The following HFM1 variants were observed in gnomAD, a reference collection of about 807,000 sequenced individuals.
HFM1 encodes the protein helicase for meiosis 1, also known as probable ATP-dependent DNA helicase HFM1.
HFM1 carries 169 observed loss-of-function variants against 192.1 expected under a neutral mutation model. That is an observed-to-expected ratio of 0.88 (90% CI 0.78 to 1.00). HFM1 has a LOEUF of 1.00. Ranked by LOEUF, HFM1 falls within the 50% of genes least tolerant of loss-of-function variation. The probability of loss-of-function intolerance (pLI) is 0.00; values close to 1 mark genes in which losing one functional copy is unlikely to be tolerated. For synonymous variants in HFM1, 525 were observed against 537.8 expected (o/e 0.98, Z 0.33); for missense variants, 1,661 against 1,668.0 (o/e 1.00, Z 0.07).
At position 91,313,956 on chromosome 1, in the gene HFM1, C is replaced by G. The variant is rs775670967; in HGVS notation, c.3244+1G>C. The G allele has an allele frequency of 6.6e-7, 1 of 1,520,680 alleles. No individual in the cohort carries two copies. Among genetic ancestry groups the G allele is most frequent in the African/African-American group, 1.4e-5 (1 of 72,524 alleles). 94.2% of individuals were successfully genotyped at this position (1,520,680 alleles called of 1,614,324 possible). A position where few individuals can be genotyped will look rare whatever the true frequency, so the allele number is the denominator to read the frequency against. ...TGTCTTCATTACTTCAATTAACTTA[C>G]CAAATTCAGAACTTATTAGATTTAT... On this transcript the variant is annotated splice_donor_variant, in intron 29 of 38. Transcript: ENST00000370425. LOFTEE classifies it high-confidence loss of function.
chr1:91,283,518 G>A (rs1183527700), intron 30 of HFM1, among the ~76,000 whole-genome samples: 1 of 152,154 alleles, frequency 6.6e-6, no homozygotes, highest in East Asian at 1.9e-4. Flanking sequence ...CTCCCAAAGT[G>A]CTGAGACTAC....
intron 25 of HFM1, among the ~76,000 whole-genome samples, chr1:91,318,734 G>T (rs1478759131): frequency 1.3e-5 from 2 of 152,084 alleles, no homozygotes; most frequent in East Asian, 1.9e-4. Flanking sequence ...TTGTAATTGA[G>T]ATCAAAACAA....
chr1:91,364,348 C>A (rs993144552), intron 13 of HFM1, among the ~76,000 whole-genome samples: 2 of 151,670 alleles, frequency 1.3e-5, no homozygotes, highest in African/African-American at 4.8e-5. Flanking sequence ...GGTGGGAATG[C>A]AGATTGGTAC....
At position 91,374,230 on chromosome 1, in the gene HFM1, GAA is replaced by G. The variant is rs1345393352; in HGVS notation, c.1685+1126_1685+1127del. The stretch of plus-strand genomic sequence containing the variant: ...ATGATTAAAGGGGGAGAATGGTCAT[GAA>G]AAGTCTGGAGAATTGGCTAGGCATC... On this transcript the variant is annotated intron_variant, in intron 13 of 38. Transcript: ENST00000370425. 4.6e-5 allele frequency among the ~76,000 whole-genome samples: 7 copies of G among 151,978 alleles called. No individual in the cohort carries two copies. The East Asian group carries it at 1.4e-3, about 29-fold the overall frequency.
rs373714322 is a variant in HFM1 at position 91,262,255 on chromosome 1, C to T, written c.4224G>A (p.Lys1408=). Residue 1408 remains lysine, a synonymous_variant, in exon 38 of 39, where the codon AAG becomes AAA. Coordinates refer to ENST00000370425, the MANE Select transcript of HFM1 (RefSeq NM_001017975.6). ...AGAGTTCTTACCTGAAATCAACTTC[C>T]TTTTTACATTCACTGTTTCTAATAA... ...DFFIRNSECK[K]EVDFSMYHPD... The T allele has an allele frequency of 5.1e-6, 7 of 1,383,038 alleles. No individual in the cohort carries two copies. The highest frequency in any genetic ancestry group is 1.5e-5 in the African/African-American group (1 of 68,696). 85.7% of individuals were successfully genotyped at this position (1,383,038 alleles called of 1,614,324 possible).
At chr1:91,263,368 A>G (rs568568875) in intron 36 of HFM1, among the ~76,000 whole-genome samples, 29 of 152,280 alleles carry the variant, frequency 1.9e-4, no homozygotes, top group African/African-American at 6.7e-4. Context: ...AATCACATAT[A>G]CTGATAGAAT....
chr1:91,404,184 C>A (rs1016200003), intron 1 of HFM1, among the ~76,000 whole-genome samples: 1 of 152,226 alleles, frequency 6.6e-6, no homozygotes, highest in Admixed American at 6.5e-5. Context: ...CCAGATCTCA[C>A]CCCCTCTCCC....
chr1:91,268,577 A>G (rs1408467524), intron 34 of HFM1, among the ~76,000 whole-genome samples: 1 of 152,046 alleles, frequency 6.6e-6, no homozygotes, highest in Non-Finnish European at 1.5e-5. Context: ...AGTTTTACAC[A>G]GTATTGTGCT....
intron 1 of HFM1, among the ~76,000 whole-genome samples, chr1:91,404,019 A>G (rs969661671): frequency 3.2e-4 from 49 of 152,332 alleles, no homozygotes; most frequent in African/African-American, 1.2e-3. Context: ...TTTGCTAGAA[A>G]TTTTTGTGAG....
At chr1:91,272,849 G>A (rs529421371) in intron 34 of HFM1, among the ~76,000 whole-genome samples, 29 of 151,714 alleles carry the variant, frequency 1.9e-4, no homozygotes, top group Non-Finnish European at 3.1e-4. Flanking sequence ...GGAAAAAAAA[G>A]TTACAACATG....
At chr1:91,270,087 C>T (rs1243044700) in intron 34 of HFM1, among the ~76,000 whole-genome samples, 4 of 152,028 alleles carry the variant, frequency 2.6e-5, no homozygotes, top group Non-Finnish European at 5.9e-5. Context: ...TGTCAGATCA[C>T]TTTGAATATT....
At chr1:91,309,296 A>T (rs986354576) in intron 30 of HFM1, among the ~76,000 whole-genome samples, 17 of 152,230 alleles carry the variant, frequency 1.1e-4, no homozygotes, top group African/African-American at 4.1e-4. Flanking sequence ...GCTGTAAGGT[A>T]GACTGCCTAT....
At chr1:91,297,950 T>C (rs1647944227) in intron 30 of HFM1, among the ~76,000 whole-genome samples, 1 of 152,120 alleles carries the variant, frequency 6.6e-6, no homozygotes, top group Admixed American at 6.5e-5. Flanking sequence ...AGAATGACTT[T>C]GATGAGTTGA....
chr1:91,375,588 G>T lies in HFM1; in HGVS notation c.1535C>A (p.Thr512Asn), dbSNP rs184300837. ...SNQTEFKFDLTLNYKIASVIQ... is the reference protein window; with the variant it reads ...SNQTEFKFDLNLNYKIASVIQ... Reference sequence around the variant, plus strand: ...AACACTGGCAATTTTGTAGTTGAGGGTTAAATCAAACTTAAACTCAGTTTG... The same window carrying T: ...AACACTGGCAATTTTGTAGTTGAGGTTTAAATCAAACTTAAACTCAGTTTG... Residue 512 changes from threonine (T) to asparagine (N), a missense_variant, in exon 12 of 39, where the codon ACC (threonine) becomes AAC (asparagine). Transcript: ENST00000370425. The T allele has an allele frequency of 6.2e-7, 1 of 1,613,440 alleles. No homozygotes were observed. Among genetic ancestry groups the T allele is most frequent in the African/African-American group, 1.3e-5 (1 of 75,002 alleles).
intron 30 of HFM1, among the ~76,000 whole-genome samples, chr1:91,287,227 GAC>G (rs1013359157): frequency 3.3e-5 from 5 of 152,226 alleles, no homozygotes; most frequent in African/African-American, 1.2e-4. Context: ...CAAACAAAAA[GAC>G]AGCAGTAACC....
Position 91,394,069 on chromosome 1 carries a change from ATTTAG to A in HFM1, c.494+19_494+23del. On this transcript the variant is annotated intron_variant, in intron 4 of 38. Coordinates refer to ENST00000370425, the MANE Select transcript of HFM1 (RefSeq NM_001017975.6). ...TATTCAACTTTATTCACAGAATATTATTTAGTTTAATTATAATAATTACCTTTTCC... is the reference window on the plus strand; with the variant it reads ...TATTCAACTTTATTCACAGAATATTATTTAATTATAATAATTACCTTTTCC... 1 of 1,234,760 alleles carries A rather than the reference ATTTAG, an allele frequency of 8.1e-7. No individual in the cohort carries two copies. The highest frequency in any genetic ancestry group is 1.5e-5 in the South Asian group (1 of 65,530). 76.5% of individuals were successfully genotyped at this position (1,234,760 alleles called of 1,614,324 possible).
At chr1:91,311,934 A>T (rs1404693109) in intron 30 of HFM1, among the ~76,000 whole-genome samples, 3 of 152,136 alleles carry the variant, frequency 2.0e-5, no homozygotes, top group African/African-American at 4.8e-5. Flanking sequence ...CCATGGCTGA[A>T]AGGGGTCAAC....
intron 30 of HFM1, among the ~76,000 whole-genome samples, chr1:91,287,740 A>G (rs1274302003): frequency 1.3e-5 from 2 of 151,620 alleles, no homozygotes; most frequent in Non-Finnish European, 2.9e-5. Context: ...ATTCAAACCA[A>G]AGGCAAAGAA....
chr1:91,372,308 A>T (rs568982664), intron 13 of HFM1, among the ~76,000 whole-genome samples: 2 of 152,342 alleles, frequency 1.3e-5, no homozygotes, highest in African/African-American at 4.8e-5. Context: ...TTGAGGCACT[A>T]TTCACAATAG....
Sources: gnomAD v4.1 joint callset for allele counts (sites outside exome capture counted in the v4.1 genomes callset) on GRCh38, gnomAD v4.1.1 for gene constraint, MANE v1.5 for transcripts, NCBI Gene and HGNC (gene_info 2026-07-23, HGNC 2026-07-21) for gene names.